The following ROBO1 variants were observed in gnomAD, a reference collection of about 807,000 sequenced individuals.
ROBO1 encodes roundabout homolog 1.
ROBO1 carries 149 observed loss-of-function variants against 195.9 expected under a neutral mutation model. The observed-to-expected ratio is 0.76, with a 90% CI of 0.67 to 0.87. ROBO1 has a LOEUF of 0.87. Ranked by LOEUF, ROBO1 falls within the 40% of genes least tolerant of loss-of-function variation. ROBO1 has a pLI of 0.00. For synonymous variants in ROBO1, 816 were observed against 733.2 expected (o/e 1.11, Z -1.82); for missense variants, 1,933 against 2,068.3 (o/e 0.93, Z 1.27).
chr3:78,822,406 G>T (rs1185983599), intron 4 of ROBO1, among the ~76,000 whole-genome samples: 2 of 152,046 alleles, frequency 1.3e-5, no homozygotes, highest in African/African-American at 4.8e-5. Context: ...TATTCTATAA[G>T]CACCTGCTGA....
rs184218350 is a variant in ROBO1 at position 79,677,238 on chromosome 3, C to A, written c.-50-87277G>T. ...TCTTTCTAGCTGGCTTGTAGACAGC[C>A]TCCTTGCTGGTTTGATGTAAGAAGC... On this transcript the variant is annotated intron_variant, in intron 1 of 30. Coordinates refer to ENST00000464233, the MANE Select transcript of ROBO1 (RefSeq NM_002941.4). Among the ~76,000 whole-genome samples, 86 of 152,108 alleles carry A rather than the reference C, an allele frequency of 5.7e-4. 2 individuals carry two copies. In the South Asian group the frequency reaches 0.017, roughly 30 times the overall value.
At chr3:79,391,603 G>A (rs950140818) in intron 2 of ROBO1, among the ~76,000 whole-genome samples, 1 of 151,998 alleles carries the variant, frequency 6.6e-6, no homozygotes, top group Non-Finnish European at 1.5e-5. Context: ...GCAAAGATGT[G>A]AAATTTTCAG....
At chr3:79,137,872 C>A (rs889606835) in intron 2 of ROBO1, among the ~76,000 whole-genome samples, 8 of 152,052 alleles carry the variant, frequency 5.3e-5, no homozygotes, top group Non-Finnish European at 8.8e-5. Flanking sequence ...GTTAGTGATT[C>A]TTTTCTAGTC....
intron 4 of ROBO1, among the ~76,000 whole-genome samples, chr3:78,931,810 A>AAAAAC (rs750731810): frequency 2.0e-5 from 3 of 152,058 alleles, no homozygotes; most frequent in East Asian, 1.9e-4. Flanking sequence ...CACAAAAAGT[A>AAAAAC]AAAACAAAAC....
At chr3:78,917,025 C>T (rs1439938378) in intron 4 of ROBO1, among the ~76,000 whole-genome samples, 2 of 151,084 alleles carry the variant, frequency 1.3e-5, no homozygotes, top group African/African-American at 2.4e-5. Context: ...AGCTCTCAAG[C>T]TAAATTATTA....
intron 3 of ROBO1, among the ~76,000 whole-genome samples, chr3:79,010,211 T>C (rs150871115): frequency 1.1e-3 from 160 of 152,292 alleles, no homozygotes; most frequent in Non-Finnish European, 1.8e-3. Context: ...CACTGTTTCA[T>C]CTACATTCAT....
chr3:78,704,593 CAT>C (rs1258552390), intron 8 of ROBO1, among the ~76,000 whole-genome samples: 19 of 112,596 alleles, frequency 1.7e-4, no homozygotes, highest in Middle Eastern at 9.6e-3. Flanking sequence ...TAAACACACA[CAT>C]ACACACACAC....
At chr3:79,072,716 TTTA>T (rs2079109652) in intron 3 of ROBO1, among the ~76,000 whole-genome samples, 1 of 151,998 alleles carries the variant, frequency 6.6e-6, no homozygotes. Context: ...TTGTAATCAG[TTTA>T]TTGAGTATGT....
At chr3:79,512,004 G>T (rs951079776) in intron 2 of ROBO1, among the ~76,000 whole-genome samples, 15 of 152,046 alleles carry the variant, frequency 9.9e-5, no homozygotes, top group African/African-American at 3.4e-4. Context: ...GAAATAATCT[G>T]CACAACAAAT....
chr3:79,713,584 GC>G (rs1451516480), intron 1 of ROBO1, among the ~76,000 whole-genome samples: 1 of 152,092 alleles, frequency 6.6e-6, no homozygotes, highest in Non-Finnish European at 1.5e-5. Flanking sequence ...CTGTGCAGAA[GC>G]TTTTTAGTTT....
intron 3 of ROBO1, among the ~76,000 whole-genome samples, chr3:79,083,203 CAAACA>C (rs1296653404): frequency 2.0e-5 from 3 of 151,466 alleles, no homozygotes; most frequent in Non-Finnish European, 2.9e-5. Flanking sequence ...CTCAAACAAA[CAAACA>C]AAAGTATATT....
At chr3:79,017,150 T>C (rs1283824292) in intron 3 of ROBO1, among the ~76,000 whole-genome samples, 1 of 152,214 alleles carries the variant, frequency 6.6e-6, no homozygotes, top group African/African-American at 2.4e-5. Flanking sequence ...TTTACTTTAG[T>C]TGCAAATCTT....
rs1404317568 is a variant in ROBO1 at position 79,141,826 on chromosome 3, C to T, written c.89-16287G>A. ...AAGCTGAATTTTAAAATGACATTCC[C>T]ATTTCTCGCTAATTCAGTCTTATTA... On this transcript the variant is annotated intron_variant, in intron 2 of 30. Transcript: ENST00000464233. Among the ~76,000 whole-genome samples, 3 of 152,042 alleles carry T rather than the reference C, an allele frequency of 2.0e-5. No individual in the cohort carries two copies. In the East Asian group the frequency reaches 5.8e-4, roughly 29 times the overall value.
At chr3:79,512,353 A>AT (rs1303503265) in intron 2 of ROBO1, among the ~76,000 whole-genome samples, 4 of 152,124 alleles carry the variant, frequency 2.6e-5, no homozygotes, top group South Asian at 2.1e-4. Context: ...TGAATTCACC[A>AT]TTTTTTTGTG....
chr3:78,913,978 GA>G (rs1460362706), intron 4 of ROBO1, among the ~76,000 whole-genome samples: 50 of 152,266 alleles, frequency 3.3e-4, no homozygotes, highest in African/African-American at 1.1e-3. Flanking sequence ...TGAGCACTAA[GA>G]TTCAGTAATC....
chr3:79,315,196 C>T (rs1321127663), intron 2 of ROBO1, among the ~76,000 whole-genome samples: 1 of 152,102 alleles, frequency 6.6e-6, no homozygotes, highest in Non-Finnish European at 1.5e-5. Flanking sequence ...AATCCCAGAA[C>T]TTTAGGAGGC....
intron 5 of ROBO1, among the ~76,000 whole-genome samples, chr3:78,721,917 G>C (rs1051719482): frequency 1.3e-5 from 2 of 151,988 alleles, no homozygotes; most frequent in African/African-American, 4.8e-5. Context: ...GAGAAGGAGG[G>C]GGATTTAGTT....
chr3:79,581,214 C>T (rs9834988), intron 2 of ROBO1, among the ~76,000 whole-genome samples: 74,151 of 151,762 alleles, frequency 0.49, 18,247 homozygotes, highest in Non-Finnish European at 0.51. Context: ...ATATAGCCTC[C>T]ATCAGTCATC....
chr3:79,233,439 TATAG>T (rs1486648451), intron 2 of ROBO1, among the ~76,000 whole-genome samples: 10 of 152,140 alleles, frequency 6.6e-5, no homozygotes, highest in Non-Finnish European at 1.5e-4. Context: ...AGTTACAATG[TATAG>T]ATAAAGCATA....
Sources: allele counts gnomAD v4.1 joint callset (sites outside exome capture counted in the v4.1 genomes callset), GRCh38; gene constraint gnomAD v4.1.1; transcripts MANE v1.5; gene names NCBI Gene and HGNC (gene_info 2026-07-23, HGNC 2026-07-21).